The following LMF1 variants were observed in gnomAD, a reference collection of about 807,000 sequenced individuals.
LMF1 encodes the protein transmembrane protein 112.
A neutral mutation model predicts 60.6 loss-of-function variants in LMF1; 68 were observed. That is an observed-to-expected ratio of 1.12 (90% CI 0.92 to 1.37). LMF1 has a LOEUF of 1.37. Ranked by LOEUF, LMF1 falls within the 40% of genes most tolerant of loss-of-function variation. The pLI is 0.00. For missense variants in LMF1, 948 were observed against 767.2 expected, an observed-to-expected ratio of 1.24 and a Z score of -2.78; for synonymous variants, 418 against 324.7, an observed-to-expected ratio of 1.29 and a Z score of -3.09.
chr16:899,137 C>G (rs1295689950), intron 4 of LMF1: 3 of 152,270 alleles, frequency 2.0e-5, no homozygotes, highest in African/African-American at 7.2e-5. Flanking sequence ...CTGAGACACC[C>G]TCGCCCTGGA....
In LMF1 at chr16:954,502, A is replaced by G. The variant is rs1257912037; in HGVS notation, c.358T>C (p.Ser120Pro). The G allele has an allele frequency of 1.9e-6, 3 of 1,612,778 alleles. No homozygotes were observed. The Admixed American group carries it at 5.0e-5, about 27-fold the overall frequency. The stretch of plus-strand genomic sequence containing the variant: ...AAGTCCAGGTTGGAGTTCATGTCTG[A>G]CCAGTCCATCAGCCAGAGGATGGTG... Reference protein sequence around the residue: ...MPTILWLMDWSDMNSNLDLLA... With the variant: ...MPTILWLMDWPDMNSNLDLLA... The change falls in exon 2 of 11, where the codon TCA becomes CCA. Residue 120 changes from serine (S) to proline (P), a missense_variant. By Grantham distance (74) the Ser-to-Pro change is moderately conservative (BLOSUM62 -1). Coordinates refer to ENST00000262301, the MANE Select transcript of LMF1 (RefSeq NM_022773.4).
At chr16:974,550 C>T (rs149716391), upstream of LMF1, among the ~76,000 whole-genome samples, 502 of 152,304 alleles carry the variant, frequency 3.3e-3, 4 homozygotes, top group Non-Finnish European at 5.9e-3. Flanking sequence ...GGGACGGACA[C>T]CCCAAGAGCA....
At chr16:858,332 G>C (rs2069277292) in intron 10 of LMF1, among the ~76,000 whole-genome samples, 1 of 47,652 alleles carries the variant, frequency 2.1e-5, no homozygotes, top group Non-Finnish European at 3.8e-5. Context: ...GGATGGGTGT[G>C]AGTGGTGTCT....
chr16:954,437 C>G lies in LMF1; in HGVS notation c.423G>C (p.Leu141=), dbSNP rs775778352. The change falls in exon 2 of 11, where the codon CTG becomes CTC. Residue 141 remains leucine (L), a synonymous_variant. Coordinates refer to ENST00000262301, the MANE Select transcript of LMF1 (RefSeq NM_022773.4). ...GAAGCATGTTGGCGCAGCCCGTGAT[C>G]AGTACGAAAGACGAGATGCCCAGTC... ...LLGLGISSFV[L]ITGCANMLLM... 40 of 1,612,840 alleles carry G rather than the reference C, an allele frequency of 2.5e-5. No individual in the cohort carries two copies. The South Asian group carries it at 4.3e-4, about 17-fold the overall frequency.
In LMF1 at chr16:888,762, A is replaced by G. The variant is rs549523892; in HGVS notation, c.729+4245T>C. Among the ~76,000 whole-genome samples, 10 of 152,210 alleles carry G rather than the reference A, an allele frequency of 6.6e-5. No homozygotes were observed. The South Asian group carries it at 2.1e-3, about 32-fold the overall frequency. ...GGGGGGGGTCCTAGGTACAGGGGGC[A>G]GTGTGTGGGGAGAGCGAGGACACCA... is the stretch of plus-strand genomic sequence containing the variant. On this transcript the variant is annotated intron_variant, in intron 5 of 10. Coordinates refer to ENST00000262301, the MANE Select transcript of LMF1 (RefSeq NM_022773.4).
intron 2 of LMF1, among the ~76,000 whole-genome samples, chr16:942,792 C>G (rs138655371): frequency 4.1e-4 from 62 of 151,346 alleles, no homozygotes; most frequent in Middle Eastern, 3.5e-3. Context: ...GTATGTTAGA[C>G]CACCTGGTGC....
chr16:914,423 G>A (rs139440319), intron 3 of LMF1, among the ~76,000 whole-genome samples: 12 of 151,968 alleles, frequency 7.9e-5, no homozygotes, highest in East Asian at 3.9e-4. Context: ...TAGGGTCCAC[G>A]AGAGAACGCA....
chr16:883,179 GAAA>G (rs2070214865), intron 5 of LMF1, among the ~76,000 whole-genome samples: 1 of 150,734 alleles, frequency 6.6e-6, no homozygotes, highest in African/African-American at 2.5e-5. Flanking sequence ...AGGACCAGGA[GAAA>G]GAGGAGCTGC....
intron 3 of LMF1, among the ~76,000 whole-genome samples, chr16:911,806 G>A (rs2071130301): frequency 6.6e-6 from 1 of 152,094 alleles, no homozygotes; most frequent in Non-Finnish European, 1.5e-5. Flanking sequence ...CAAGGATGCA[G>A]AGGCAGGTCA....
At chr16:854,990 G>A (rs751530502) in intron 10 of LMF1, 7 of 528,306 alleles carry the variant, frequency 1.3e-5, no homozygotes, top group Admixed American at 3.2e-5. Context: ...CAGAGGGACC[G>A]GCCCGGGGAA....
In LMF1 at chr16:869,884, T is replaced by C. The variant is rs935836772; in HGVS notation, c.1415A>G (p.Gln472Arg). The C allele has an allele frequency of 6.2e-6, 10 of 1,611,206 alleles. No homozygotes were observed. Among genetic ancestry groups the C allele is most frequent in the South Asian group, 1.1e-5 (1 of 90,872 alleles). ...CGCCCGCCAGGGACCGTCCCCCACC[T>C]GGAAGGCCGCGAACCACATCAGCCA... ...LDWLMWFAAF[Q>R]TYEHNDWIIH... is the part of the protein sequence containing the mutation. Residue 472 changes from glutamine to arginine, a missense_variant and splice_region_variant, in exon 9 of 11, where the codon CAG becomes CGG. Gln to Arg is a conservative substitution (Grantham distance 43). Transcript: ENST00000262301.
intron 2 of LMF1, 149 bp downstream of exon 2, chr16:954,208 C>T (rs963265500): frequency 1.1e-6 from 1 of 871,552 alleles, no homozygotes; most frequent in Admixed American, 2.0e-5. Context: ...ACTGGCCGCT[C>T]TGCCATGGCC....
At chr16:888,149 G>GC (rs945326529) in intron 5 of LMF1, among the ~76,000 whole-genome samples, 17 of 151,934 alleles carry the variant, frequency 1.1e-4, no homozygotes, top group Non-Finnish European at 2.1e-4. Flanking sequence ...CTCGGCCCAA[G>GC]CCTTGGGGTG....
At chr16:856,773 G>A (rs985101410) in intron 10 of LMF1, among the ~76,000 whole-genome samples, 1 of 152,258 alleles carries the variant, frequency 6.6e-6, no homozygotes, top group Non-Finnish European at 1.5e-5. Context: ...ACCCGAGAAG[G>A]CCATGGCACC....
chr16:919,768 T>C (rs566167076), intron 3 of LMF1, among the ~76,000 whole-genome samples: 10 of 151,900 alleles, frequency 6.6e-5, no homozygotes, highest in Non-Finnish European at 1.3e-4. Context: ...AGCTACATCA[T>C]GTGGCAGGGC....
At chr16:955,185 A>ACC (rs1169306465) in intron 1 of LMF1, among the ~76,000 whole-genome samples, 30 of 115,274 alleles carry the variant, frequency 2.6e-4, no homozygotes, top group African/African-American at 6.8e-4. Flanking sequence ...GCATACACAC[A>ACC]CACACATCTA....
At chr16:857,374 T>G (rs1196186878) in intron 10 of LMF1, among the ~76,000 whole-genome samples, 3 of 152,274 alleles carry the variant, frequency 2.0e-5, no homozygotes, top group Non-Finnish European at 4.4e-5. Flanking sequence ...TCTTGGTATC[T>G]TTGCCAGCAT....
At chr16:935,053 G>T (rs897624570) in intron 2 of LMF1, among the ~76,000 whole-genome samples, 13 of 152,160 alleles carry the variant, frequency 8.5e-5, no homozygotes, top group Admixed American at 5.2e-4. Context: ...GGAACAGGCC[G>T]GTCCACAGAC....
At chr16:909,877 T>C (rs1428076325) in intron 4 of LMF1, among the ~76,000 whole-genome samples, 1 of 152,236 alleles carries the variant, frequency 6.6e-6, no homozygotes, top group Non-Finnish European at 1.5e-5. Context: ...GGCGGCACAC[T>C]CTGGCCGTGG....
Sources: gnomAD v4.1 joint callset for allele counts (sites outside exome capture counted in the v4.1 genomes callset) on GRCh38, gnomAD v4.1.1 for gene constraint, MANE v1.5 for transcripts, NCBI Gene and HGNC (gene_info 2026-07-23, HGNC 2026-07-21) for gene names.